Variants in SYNPR observed in about 807,000 individuals in gnomAD.
SYNPR encodes the protein synaptoporin.
SYNPR carries 23 observed loss-of-function variants against 32.9 expected under a neutral mutation model. That is an observed-to-expected ratio of 0.70 (90% CI 0.50 to 0.99). The LOEUF (loss-of-function observed/expected upper bound fraction) is 0.99. SYNPR is among the 50% of genes least tolerant of loss of function. The pLI is 0.00. For synonymous variants in SYNPR, 146 were observed against 135.9 expected (o/e 1.07, Z -0.52); for missense variants, 318 against 349.3 (o/e 0.91, Z 0.71).
intron 2 of SYNPR, among the ~76,000 whole-genome samples, chr3:63,283,598 A>G (rs2086651538): frequency 1.3e-5 from 2 of 150,248 alleles, no homozygotes; most frequent in South Asian, 4.2e-4. Flanking sequence ...CTAAGTTGGC[A>G]TAGTCCTGTC....
At chr3:63,216,812 G>C in the SYNPR span, among the ~76,000 whole-genome samples, 3 of 50,940 alleles carry the variant, frequency 5.9e-5, 1 homozygote, top group African/African-American at 1.9e-4. Flanking sequence ...CAGTTTTTCT[G>C]TTCTGTTTTT....
intron 3 of SYNPR, among the ~76,000 whole-genome samples, chr3:63,521,232 T>C (rs1701908784): frequency 6.6e-6 from 1 of 152,114 alleles, no homozygotes; most frequent in African/African-American, 2.4e-5. Context: ...AAATACAGAT[T>C]CTTGGAACCA....
chr3:63,277,774 CA>C (rs1432798887), upstream of SYNPR, among the ~76,000 whole-genome samples: 2 of 152,042 alleles, frequency 1.3e-5, no homozygotes, highest in African/African-American at 2.4e-5. Context: ...TGCTCTGCGC[CA>C]CTGTCCAGAC....
the SYNPR span, among the ~76,000 whole-genome samples, chr3:63,211,147 C>A: frequency 6.6e-6 from 1 of 152,176 alleles, no homozygotes; most frequent in Non-Finnish European, 1.5e-5. Flanking sequence ...TGGCTCACTG[C>A]AACCTCCACC....
chr3:63,314,861 T>A (rs1038179789), intron 2 of SYNPR, among the ~76,000 whole-genome samples: 1 of 152,104 alleles, frequency 6.6e-6, no homozygotes, highest in African/African-American at 2.4e-5. Flanking sequence ...GTTTCAGGTC[T>A]TAGGTTTGAG....
chr3:63,372,463 C>T (rs572645241), intron 2 of SYNPR, among the ~76,000 whole-genome samples: 1 of 152,150 alleles, frequency 6.6e-6, no homozygotes, highest in Non-Finnish European at 1.5e-5. Flanking sequence ...AGCAAAGACA[C>T]TGGGTGCTTT....
chr3:63,383,402 G>A (rs1330822202), intron 2 of SYNPR, among the ~76,000 whole-genome samples: 2 of 152,110 alleles, frequency 1.3e-5, no homozygotes, highest in Non-Finnish European at 2.9e-5. Flanking sequence ...CACCTCTCCT[G>A]GAGCAGCATA....
chr3:63,283,762 G>T (rs529312036), intron 2 of SYNPR, among the ~76,000 whole-genome samples: 102 of 145,338 alleles, frequency 7.0e-4, no homozygotes, highest in African/African-American at 2.4e-3. Context: ...CCCATTTTCA[G>T]ACTACTCTGG....
chr3:63,317,731 C>T (rs75510015), intron 2 of SYNPR, among the ~76,000 whole-genome samples: 7,351 of 152,010 alleles, frequency 0.048, 241 homozygotes, highest in Middle Eastern at 0.095. Flanking sequence ...TTATATTCAA[C>T]GGTAGTATTG....
chr3:63,496,075 T>G (rs9857079), intron 3 of SYNPR, among the ~76,000 whole-genome samples: 1 of 151,980 alleles, frequency 6.6e-6, no homozygotes, highest in Non-Finnish European at 1.5e-5. Context: ...GAACTCTTTG[T>G]ATTTTCCTCC....
rs1701351637 is a variant in SYNPR, at chr3:63,495,393, G to T, written c.209+14437G>T. Among the ~76,000 whole-genome samples the T allele has an allele frequency of 2.0e-5, 3 of 152,160 alleles. No individual in the cohort carries two copies. In the South Asian group the frequency reaches 6.2e-4, roughly 32 times the overall value. On this transcript the variant is annotated intron_variant, in intron 3 of 5. Transcript: ENST00000478300. ...CTGAACATCTTTGATTGCAATGAAG[G>T]ATCTTTAGTTATCATCTCTTTAGGC...
rs548053060 is a variant in SYNPR, at chr3:63,503,048, C to T, written c.209+22092C>T. 1.2e-4 allele frequency among the ~76,000 whole-genome samples: 18 copies of T among 152,238 alleles called. No individual in the cohort carries two copies. In the East Asian group the frequency reaches 3.5e-3, roughly 29 times the overall value. On this transcript the variant is annotated intron_variant, in intron 3 of 5. Coordinates refer to ENST00000478300, the MANE Select transcript of SYNPR (RefSeq NM_001130003.2). ...TATGTTTAGTTTGTGTAAGAAATCA[C>T]CAAATTGCTTTCCAAAGTAGCTGAG...
intron 3 of SYNPR, among the ~76,000 whole-genome samples, chr3:63,544,473 A>G (rs928883285): frequency 8.5e-5 from 13 of 152,216 alleles, no homozygotes; most frequent in Middle Eastern, 3.4e-3. Context: ...TTCTATATGC[A>G]TAAGTGATTA....
rs1700268519 is a variant in SYNPR, at chr3:63,615,599, G to A, written c.*118G>A. On this transcript the variant is annotated 3_prime_UTR_variant, in exon 6 of 6. Coordinates refer to ENST00000478300, the MANE Select transcript of SYNPR (RefSeq NM_001130003.2). ...CAGAGAGTATTGAATGTAAATCAGA[G>A]CTCTCTAGTCTTCATTAAGGCAGCA... 22 of 1,360,132 alleles carry A rather than the reference G, an allele frequency of 1.6e-5. No homozygotes were observed. The highest frequency in any genetic ancestry group is 2.0e-5 in the Non-Finnish European group (20 of 1,013,002). The allele number at this position is 1,360,132 out of a possible 1,614,324, so 84.3% of individuals were successfully genotyped here.
intron 2 of SYNPR, among the ~76,000 whole-genome samples, chr3:63,447,390 G>T (rs1181387232): frequency 6.6e-6 from 1 of 152,172 alleles, no homozygotes; most frequent in Non-Finnish European, 1.5e-5. Flanking sequence ...GGCTACAGAT[G>T]TGTGTACTTA....
intron 2 of SYNPR, among the ~76,000 whole-genome samples, chr3:63,462,413 C>CTGAAATGTAAAATGA (rs1700600608): frequency 6.6e-6 from 1 of 152,104 alleles, no homozygotes; most frequent in Non-Finnish European, 1.5e-5. Flanking sequence ...TAAATATTTA[C>CTGAAATGTAAAATGA]ACTGAAAAGA....
At chr3:63,365,753 C>T (rs370751412) in intron 2 of SYNPR, among the ~76,000 whole-genome samples, 1 of 152,012 alleles carries the variant, frequency 6.6e-6, no homozygotes, top group Non-Finnish European at 1.5e-5. Context: ...TTTTCTAAGG[C>T]GATATATACG....
At chr3:63,328,641 G>A (rs1293159881) in intron 2 of SYNPR, among the ~76,000 whole-genome samples, 2 of 152,188 alleles carry the variant, frequency 1.3e-5, no homozygotes, top group Non-Finnish European at 2.9e-5. Context: ...CAGGAGAGCT[G>A]TGGATGCCTG....
At chr3:63,378,198 G>C (rs985196382) in intron 2 of SYNPR, among the ~76,000 whole-genome samples, 1 of 151,678 alleles carries the variant, frequency 6.6e-6, no homozygotes, top group Non-Finnish European at 1.5e-5. Flanking sequence ...CAGAGTTATA[G>C]CATTAAATAA....
Sources: gnomAD v4.1 joint callset for allele counts (sites outside exome capture counted in the v4.1 genomes callset) on GRCh38, gnomAD v4.1.1 for gene constraint, MANE v1.5 for transcripts, NCBI Gene and HGNC (gene_info 2026-07-23, HGNC 2026-07-21) for gene names.